The following STXBP4 variants were observed in gnomAD, a reference collection of about 807,000 sequenced individuals.
STXBP4 encodes the protein syntaxin binding protein 4.
In STXBP4, 55 loss-of-function variants were observed where a neutral mutation model predicts 76.1. The ratio of observed to expected loss-of-function variants is 0.72; its 90% CI spans 0.58 to 0.91. The LOEUF (loss-of-function observed/expected upper bound fraction) is 0.91, where lower values mean the gene tolerates loss of function less well. STXBP4 is among the 40% of genes least tolerant of loss of function. The probability of loss-of-function intolerance (pLI) is 0.00; values close to 1 mark genes in which losing one functional copy is unlikely to be tolerated. For synonymous variants in STXBP4, 201 were observed against 220.2 expected, an observed-to-expected ratio of 0.91 and a Z score of 0.77; for missense variants, 618 against 636.9, an observed-to-expected ratio of 0.97 and a Z score of 0.32.
rs778811461 is a variant in STXBP4 at position 54,990,899 on chromosome 17, G to T, written c.122G>T (p.Arg41Leu). ...LGLKVLGGIN[R>L]NEGPLVYIQE... ...CTGAAGGTACTAGGAGGAATTAACC[G>T]GAATGAAGGCCCATTGGTATATATT... The change falls in exon 4 of 18, where the codon CGG (arginine) becomes CTG (leucine). Residue 41 changes from arginine to leucine, a missense_variant. By Grantham distance (102) the Arg-to-Leu change is moderately radical. Transcript: ENST00000376352. 6.2e-7 allele frequency: 1 copy of T among 1,603,914 alleles called. No individual in the cohort carries two copies. Among genetic ancestry groups the T allele is most frequent in the Non-Finnish European group, 8.5e-7 (1 of 1,176,456 alleles).
At chr17:54,973,688 T>C (rs1598138664) in intron 1 of STXBP4, among the ~76,000 whole-genome samples, 1 of 152,218 alleles carries the variant, frequency 6.6e-6, no homozygotes, top group Admixed American at 6.5e-5. Flanking sequence ...AATACATAAA[T>C]TGTTACGATA....
intron 1 of STXBP4, among the ~76,000 whole-genome samples, chr17:54,971,170 C>G (rs1472964336): frequency 6.6e-6 from 1 of 152,220 alleles, no homozygotes; most frequent in Non-Finnish European, 1.5e-5. Context: ...TGCATACTTA[C>G]TTGTTTATTT....
chr17:54,996,523 T>C (rs1456136908), intron 4 of STXBP4, among the ~76,000 whole-genome samples: 1 of 152,146 alleles, frequency 6.6e-6, no homozygotes, highest in East Asian at 1.9e-4. Context: ...ACAACAGATA[T>C]GGAAGTCTCA....
intron 12 of STXBP4, among the ~76,000 whole-genome samples, chr17:55,062,240 AC>A (rs2079002971): frequency 6.6e-6 from 1 of 151,382 alleles, no homozygotes; most frequent in African/African-American, 2.4e-5. Flanking sequence ...CCCTCCTCTC[AC>A]CCCTGACCCC....
intron 16 of STXBP4, among the ~76,000 whole-genome samples, chr17:55,083,814 T>G (rs1451423944): frequency 6.6e-6 from 1 of 152,174 alleles, no homozygotes; most frequent in Non-Finnish European, 1.5e-5. Flanking sequence ...ACAAAAGCTG[T>G]ATCACCTTTT....
intron 8 of STXBP4, among the ~76,000 whole-genome samples, chr17:55,012,513 A>G (rs2078133291): frequency 6.6e-6 from 1 of 152,152 alleles, no homozygotes. Context: ...TACTGCCAGT[A>G]ATAATCTCCT....
chr17:55,207,182 A>G, the STXBP4 span, among the ~76,000 whole-genome samples: 1 of 152,076 alleles, frequency 6.6e-6, no homozygotes, highest in Non-Finnish European at 1.5e-5. Flanking sequence ...TTTTTCCACC[A>G]TATACAACTT....
chr17:55,068,689 G>A (rs1391328537), intron 12 of STXBP4, among the ~76,000 whole-genome samples: 1 of 152,046 alleles, frequency 6.6e-6, no homozygotes, highest in Non-Finnish European at 1.5e-5. Context: ...GGAAAAAATT[G>A]TGCCAAGAAC....
intron 8 of STXBP4, among the ~76,000 whole-genome samples, chr17:55,010,252 A>G (rs2078085242): frequency 2.6e-5 from 1 of 38,216 alleles, no homozygotes; most frequent in East Asian, 5.5e-4. Context: ...ACAATGTCAT[A>G]TATATATATA....
chr17:54,999,588 T>G, intron 5 of STXBP4, 44 bp from the exon 6 acceptor site: 1 of 1,548,094 alleles, frequency 6.5e-7, no homozygotes, highest in Non-Finnish European at 8.8e-7. Flanking sequence ...TCAGTTGTAC[T>G]ATATTCATAG....
chr17:55,113,216 A>ACC (rs2079741891), intron 16 of STXBP4, among the ~76,000 whole-genome samples: 1 of 97,224 alleles, frequency 1.0e-5, no homozygotes, highest in Admixed American at 1.2e-4. Context: ...AGGTGCTCTT[A>ACC]CCACACACAC....
At chr17:55,153,566 T>A (rs796867858) in intron 17 of STXBP4, among the ~76,000 whole-genome samples, 2 of 144,942 alleles carry the variant, frequency 1.4e-5, no homozygotes, top group Non-Finnish European at 3.1e-5. Flanking sequence ...AGTTGAAAAA[T>A]ATGTTTTAAA....
In STXBP4 at chr17:54,999,520, G is replaced by A. The variant is rs2077872301; in HGVS notation, c.287+69G>A. 4.8e-6 allele frequency: 7 copies of A among 1,467,708 alleles called. No homozygotes were observed. In the South Asian group the frequency reaches 8.7e-5, roughly 18 times the overall value. The allele number at this position is 1,467,708 out of a possible 1,614,324, so 90.9% of individuals were successfully genotyped here. The stretch of plus-strand genomic sequence containing the variant: ...CTCCTTGAAAGCAGTAATTTAAGAT[G>A]TATTAAGTACTTTATAATAAGTATT... On this transcript the variant is annotated intron_variant, in intron 5 of 17. Transcript: ENST00000376352.
At chr17:55,008,963 A>C (rs2078056144) in intron 8 of STXBP4, among the ~76,000 whole-genome samples, 1 of 152,238 alleles carries the variant, frequency 6.6e-6, no homozygotes, top group Admixed American at 6.5e-5. Flanking sequence ...GACTTTGCTA[A>C]CTATTATAGT....
intron 12 of STXBP4, among the ~76,000 whole-genome samples, chr17:55,061,623 T>C (rs2078995830): frequency 6.6e-6 from 1 of 152,222 alleles, no homozygotes; most frequent in Non-Finnish European, 1.5e-5. Flanking sequence ...TATTCTTTTA[T>C]TGCCACAGCC....
At chr17:54,970,901 GAA>G (rs1257865758) in intron 1 of STXBP4, among the ~76,000 whole-genome samples, 1 of 152,144 alleles carries the variant, frequency 6.6e-6, no homozygotes, top group African/African-American at 2.4e-5. Flanking sequence ...TTTAATAAAA[GAA>G]AATATGCATT....
chr17:55,203,027 G>GT, the STXBP4 span, among the ~76,000 whole-genome samples: 12 of 152,252 alleles, frequency 7.9e-5, no homozygotes, highest in Non-Finnish European at 1.5e-4. Flanking sequence ...GCTGGAAGTT[G>GT]TATTTCCTGG....
At chr17:55,078,597 A>G in intron 14 of STXBP4, 89 bp from the exon 15 acceptor site, 1 of 809,852 alleles carries the variant, frequency 1.2e-6, no homozygotes, top group Non-Finnish European at 2.0e-6. Flanking sequence ...ATCCGTGGAC[A>G]GAGGAGGTTA....
At chr17:55,016,604 G>C (rs2787501) in intron 8 of STXBP4, among the ~76,000 whole-genome samples, 103,391 of 151,972 alleles carry the variant, frequency 0.68, 35,302 homozygotes, top group South Asian at 0.78. Flanking sequence ...CAAGATCCTC[G>C]CTATCAATTA....
Sources: allele counts gnomAD v4.1 joint callset (sites outside exome capture counted in the v4.1 genomes callset), GRCh38; gene constraint gnomAD v4.1.1; transcripts MANE v1.5; gene names NCBI Gene and HGNC (gene_info 2026-07-23, HGNC 2026-07-21).